TSNAX: variants seen among roughly 807,000 people sequenced by gnomAD.
TSNAX encodes the protein translin-associated protein X.
TSNAX carries 12 observed loss-of-function variants against 33.0 expected under a neutral mutation model. That is an observed-to-expected ratio of 0.36 (90% CI 0.23 to 0.59). The LOEUF is 0.59. Ranked by LOEUF, TSNAX falls within the 20% of genes least tolerant of loss-of-function variation. TSNAX has a pLI of 0.74. For missense variants in TSNAX, 267 were observed against 341.3 expected, an observed-to-expected ratio of 0.78 and a Z score of 1.72; for synonymous variants, 110 against 117.2, an observed-to-expected ratio of 0.94 and a Z score of 0.40.
intron 4 of TSNAX, among the ~76,000 whole-genome samples, chr1:231,546,715 T>C (rs1335629182): frequency 2.0e-5 from 3 of 152,240 alleles, no homozygotes; most frequent in Non-Finnish European, 4.4e-5. Flanking sequence ...GAAATCGTTA[T>C]CTTTCTCTCT....
chr1:231,542,477 A>G lies in TSNAX; in HGVS notation c.237-4A>G, dbSNP rs780664121. 20 of 1,613,210 alleles carry G rather than the reference A, an allele frequency of 1.2e-5. No individual in the cohort carries two copies. The highest frequency in any genetic ancestry group is 2.2e-5 in the East Asian group (1 of 44,828). On this transcript the variant is annotated splice_region_variant and splice_polypyrimidine_tract_variant and intron_variant, in intron 3 of 5. Transcript: ENST00000366639. ...TCTAAAAGTTCCCAATATCTTGATC[A>G]TAGTGCTCCTGATATGGAAGATATA...
At chr1:231,536,070 C>T (rs1440774823) in intron 2 of TSNAX, 2 of 152,176 alleles carry the variant, frequency 1.3e-5, no homozygotes, top group Non-Finnish European at 2.9e-5. Flanking sequence ...CTGACTAACT[C>T]AATTTTCAGC....
At chr1:231,560,258 C>T (rs911490203) in intron 4 of TSNAX, among the ~76,000 whole-genome samples, 7 of 151,904 alleles carry the variant, frequency 4.6e-5, no homozygotes, top group Non-Finnish European at 8.8e-5. Context: ...GGATTACAGG[C>T]GTGAGCCATC....
rs1270108487 is a variant in TSNAX, at chr1:231,528,952, C to T, written c.16+126C>T. The T allele has an allele frequency of 1.2e-5, 15 of 1,261,884 alleles. No individual in the cohort carries two copies. The South Asian group carries it at 1.6e-4, about 14-fold the overall frequency. 78.2% of individuals were successfully genotyped at this position (1,261,884 alleles called of 1,614,324 possible). On this transcript the variant is annotated intron_variant, in intron 1 of 5. Transcript: ENST00000366639. Reference sequence around the variant, plus strand: ...TCCCTTGTAGACTCGGGGGCGGCCCCTCTGTTTCTCTCCCCGGCCAGATCG... The same window carrying T: ...TCCCTTGTAGACTCGGGGGCGGCCCTTCTGTTTCTCTCCCCGGCCAGATCG...
At chr1:231,551,001 T>C (rs1358557421) in intron 4 of TSNAX, among the ~76,000 whole-genome samples, 2 of 152,258 alleles carry the variant, frequency 1.3e-5, no homozygotes, top group South Asian at 2.1e-4. Flanking sequence ...TAATTTGTTA[T>C]ATTTTATATC....
At position 231,529,259 on chromosome 1, in the gene TSNAX, A is replaced by G; in HGVS notation, c.21A>G (p.Ser7=). The G allele has an allele frequency of 1.2e-6, 2 of 1,614,034 alleles. No individual in the cohort carries two copies. The highest frequency in any genetic ancestry group is 1.1e-5 in the South Asian group (1 of 91,086). The change falls in exon 2 of 6, where the codon TCA becomes TCG. Residue 7 remains serine, a synonymous_variant. Coordinates refer to ENST00000366639, the MANE Select transcript of TSNAX (RefSeq NM_005999.3). ...TTTTTTTCTTCTCTATATAAGGATCAGGAGGGTTCAGGAAAAGGAAGCATG... is the reference window on the plus strand; with the variant it reads ...TTTTTTTCTTCTCTATATAAGGATCGGGAGGGTTCAGGAAAAGGAAGCATG... MSNKEG[S]GGFRKRKHDN... is the part of the protein sequence containing the mutation.
rs1445375967 is a variant in TSNAX at position 231,561,223 on chromosome 1, A to T, written c.463A>T (p.Thr155Ser). ...MDEINKQLIF[T>S]TEDNGKENKT... The stretch of plus-strand genomic sequence containing the variant: ...TGAAATTAATAAACAATTGATATTT[A>T]CGACTGAAGACAATGGGAAAGAAAA... The change falls in exon 5 of 6, where the codon ACG (threonine) becomes TCG (serine). Residue 155 changes from threonine to serine, a missense_variant. Thr to Ser is a moderately conservative substitution (Grantham distance 58). Around this residue, in one of 2 missense-constraint regions of TSNAX, gnomAD observed 200 missense variants for 214.1 expected, o/e 0.93. Coordinates refer to ENST00000366639, the MANE Select transcript of TSNAX (RefSeq NM_005999.3). 6.4e-7 allele frequency: 1 copy of T among 1,559,948 alleles called. No individual in the cohort carries two copies. The highest frequency in any genetic ancestry group is 1.2e-5 in the South Asian group (1 of 85,666).
Position 231,550,088 on chromosome 1 carries a change from G to A in TSNAX, c.367+7477G>A, listed in dbSNP as rs549504555. Reference sequence around the variant, plus strand: ...TTTCCTTATGTCACCAGTCATATTCGATAAAAGTACACCTCAATGGACTAA... The same window carrying A: ...TTTCCTTATGTCACCAGTCATATTCAATAAAAGTACACCTCAATGGACTAA... On this transcript the variant is annotated intron_variant, in intron 4 of 5. Transcript: ENST00000366639. Among the ~76,000 whole-genome samples, 6 of 152,266 alleles carry A rather than the reference G, an allele frequency of 3.9e-5. No homozygotes were observed. In the South Asian group the frequency reaches 1.0e-3, roughly 26 times the overall value.
chr1:231,557,579 G>A (rs367743308), intron 4 of TSNAX, among the ~76,000 whole-genome samples: 2 of 152,136 alleles, frequency 1.3e-5, no homozygotes, highest in African/African-American at 4.8e-5. Flanking sequence ...AGGAGGAGGA[G>A]ACAGATGGAG....
At chr1:231,548,641 G>A (rs1017843632) in intron 4 of TSNAX, among the ~76,000 whole-genome samples, 1 of 152,190 alleles carries the variant, frequency 6.6e-6, no homozygotes, top group Non-Finnish European at 1.5e-5. Flanking sequence ...TGGCCAACTG[G>A]ATGAATAGGA....
Position 231,528,783 on chromosome 1 carries a change from C to T in TSNAX, c.-28C>T, listed in dbSNP as rs1658435723. 3 of 1,614,110 alleles carry T rather than the reference C, an allele frequency of 1.9e-6. No homozygotes were observed. Among genetic ancestry groups the T allele is most frequent in the East Asian group, 2.2e-5 (1 of 44,882 alleles). On this transcript the variant is annotated 5_prime_UTR_variant, in exon 1 of 6. Coordinates refer to ENST00000366639, the MANE Select transcript of TSNAX (RefSeq NM_005999.3). ...CTCTTGCTCCAGGTCCTTCAGTCTC[C>T]GCTCGTCTCACCGTAGGCTGTGACG... is the stretch of plus-strand genomic sequence containing the variant.
intron 3 of TSNAX, among the ~76,000 whole-genome samples, chr1:231,540,298 ACT>A (rs1340977044): frequency 6.6e-6 from 1 of 151,922 alleles, no homozygotes; most frequent in Admixed American, 6.6e-5. Flanking sequence ...GACATAGATA[ACT>A]CTTCTTCAGT....
intron 2 of TSNAX, among the ~76,000 whole-genome samples, chr1:231,531,072 C>T (rs1021058799): frequency 1.3e-5 from 2 of 151,716 alleles, no homozygotes; most frequent in Non-Finnish European, 2.9e-5. Context: ...CATTTTCCTA[C>T]CTCAGCCTCC....
chr1:231,528,909 C>G, intron 1 of TSNAX, 83 bp downstream of exon 1: 1 of 1,568,526 alleles, frequency 6.4e-7, no homozygotes. Flanking sequence ...CCCTTTTCAC[C>G]CTTGAAGGAT....
intron 4 of TSNAX, among the ~76,000 whole-genome samples, chr1:231,559,124 T>C (rs1660874371): frequency 6.6e-6 from 1 of 152,196 alleles, no homozygotes; most frequent in Non-Finnish European, 1.5e-5. Flanking sequence ...TAAAAAATGT[T>C]AGAGAACTTA....
intron 5 of TSNAX, among the ~76,000 whole-genome samples, chr1:231,563,275 C>A (rs546087209): frequency 6.6e-6 from 1 of 152,186 alleles, no homozygotes; most frequent in African/African-American, 2.4e-5. Context: ...ATTTAGGCAT[C>A]GTCTCTACCA....
At chr1:231,531,622 GTTA>G (rs933650432) in intron 2 of TSNAX, among the ~76,000 whole-genome samples, 2 of 152,076 alleles carry the variant, frequency 1.3e-5, no homozygotes, top group African/African-American at 2.4e-5. Context: ...CCCTGGCCTA[GTTA>G]TTATCTCAGT....
Position 231,559,317 on chromosome 1 carries a change from TTTG to T in TSNAX, c.368-1787_368-1785del, listed in dbSNP as rs71179786. 6.6e-4 allele frequency among the ~76,000 whole-genome samples: 100 copies of T among 151,314 alleles called. 1 individual carries two copies. Among genetic ancestry groups the T allele is most frequent in the African/African-American group, 1.9e-3 (79 of 41,152 alleles). On this transcript the variant is annotated intron_variant, in intron 4 of 5. Transcript: ENST00000366639. ...TGAAAATTGTGGCTATAGAATATAG[TTTG>T]TTGTTGTTGTTGTTGTTGTTGTTTT...
Position 231,546,136 on chromosome 1 carries a change from A to G in TSNAX, c.367+3525A>G, listed in dbSNP as rs187037937. On this transcript the variant is annotated intron_variant, in intron 4 of 5. Coordinates refer to ENST00000366639, the MANE Select transcript of TSNAX (RefSeq NM_005999.3). ...CTTCATTATCTCTCTTTCCCTTACT[A>G]GAATGTAGACTCTATAGATCTCTAC... 1.1e-4 allele frequency among the ~76,000 whole-genome samples: 16 copies of G among 152,344 alleles called. No homozygotes were observed. The East Asian group carries it at 3.1e-3, about 29-fold the overall frequency.
Sources: gnomAD v4.1 joint callset for allele counts (sites outside exome capture counted in the v4.1 genomes callset) on GRCh38, gnomAD v4.1.1 for gene constraint, gnomAD v4.1.1 regional missense constraint, MANE v1.5 for transcripts, NCBI Gene and HGNC (gene_info 2026-07-23, HGNC 2026-07-21) for gene names.